The following CCNY variants were observed in gnomAD, a reference collection of about 807,000 sequenced individuals.
CCNY encodes cyclin Y.
A neutral mutation model predicts 42.8 loss-of-function variants in CCNY; 19 were observed. That is an observed-to-expected ratio of 0.44 (90% CI 0.31 to 0.65). CCNY has a LOEUF of 0.65. CCNY is among the 30% of genes least tolerant of loss of function. The probability of loss-of-function intolerance (pLI) is 0.07; values close to 1 mark genes in which losing one functional copy is unlikely to be tolerated. For missense variants in CCNY, 370 were observed against 437.3 expected (o/e 0.85, Z 1.37); for synonymous variants, 165 against 162.7 (o/e 1.01, Z -0.11).
At chr10:35,473,741 T>C (rs1785930143) in intron 1 of CCNY, among the ~76,000 whole-genome samples, 1 of 152,236 alleles carries the variant, frequency 6.6e-6, no homozygotes, top group Admixed American at 6.5e-5. Context: ...TTATTACTTT[T>C]AATTTTTGTC....
chr10:35,553,034 CTT>C lies in CCNY; in HGVS notation c.598_599del (p.Leu200AsnfsTer29). ...GTCTTCCCAGGTGTACCTTGAAAGA[CTT>C]TTAACATACGCAGAGATAGATATCT... ...AIVTLVYLERLLTYAEIDICP... is the reference protein window; with the variant it reads ...AIVTLVYLERXLTYAEIDICP... On this transcript the variant is annotated frameshift_variant, in exon 8 of 10. Coordinates refer to ENST00000374704, the MANE Select transcript of CCNY (RefSeq NM_145012.6). LOFTEE classifies it high-confidence loss of function. 6.2e-7 allele frequency: 1 copy of C among 1,614,070 alleles called. No individual in the cohort carries two copies. Among genetic ancestry groups the C allele is most frequent in the Non-Finnish European group, 8.5e-7 (1 of 1,179,930 alleles).
rs771269744 is a variant in CCNY at position 35,337,166 on chromosome 10, G to T, written c.113G>T (p.Gly38Val). The stretch of plus-strand genomic sequence containing the variant: ...ACGGACCTGAGCCGCGAGGACACGG[G>T]CTGCAACCTGCAGCACATCAGCGAC... ...PDTDLSREDT[G>V]CNLQHISDRE... is the part of the protein sequence containing the mutation. The change falls in exon 1 of 10, where the codon GGC (glycine) becomes GTC (valine). Residue 38 changes from glycine (G) to valine (V), a missense_variant. This residue lies in a region of CCNY where 136 missense variants were observed against 124.2 expected (regional missense o/e 1.09). Transcript: ENST00000374704. 1 of 1,574,868 alleles carries T rather than the reference G, an allele frequency of 6.3e-7. No individual in the cohort carries two copies. The highest frequency in any genetic ancestry group is 1.8e-5 in the Admixed American group (1 of 55,016).
At chr10:35,544,753 T>G (rs1841077192) in intron 7 of CCNY, among the ~76,000 whole-genome samples, 1 of 152,198 alleles carries the variant, frequency 6.6e-6, no homozygotes, top group South Asian at 2.1e-4. Context: ...TTACCTGTCC[T>G]GGGAATGCTA....
chr10:35,337,792 C>T (rs1836082000), intron 1 of CCNY, among the ~76,000 whole-genome samples: 1 of 151,994 alleles, frequency 6.6e-6, no homozygotes, highest in South Asian at 2.1e-4. Context: ...ATAGCTTCTC[C>T]CGAGAATGCT....
At chr10:35,387,166 C>T (rs548628340) in intron 1 of CCNY, among the ~76,000 whole-genome samples, 1 of 152,278 alleles carries the variant, frequency 6.6e-6, no homozygotes, top group Admixed American at 6.5e-5. Flanking sequence ...GAAAAAATCT[C>T]CCATTCCTCT....
At chr10:35,278,979 T>C (rs1835269250) in intron 3 of CCNY, among the ~76,000 whole-genome samples, 1 of 152,000 alleles carries the variant, frequency 6.6e-6, no homozygotes, top group Non-Finnish European at 1.5e-5. Flanking sequence ...ATGCCGCCCA[T>C]AGAAAAACAA....
chr10:35,479,830 C>T (rs551272713), intron 1 of CCNY, among the ~76,000 whole-genome samples: 3 of 152,122 alleles, frequency 2.0e-5, no homozygotes, highest in Admixed American at 2.0e-4. Context: ...TGTATTCTAC[C>T]TCATGGTAAA....
chr10:35,287,932 G>A (rs947053169), intron 3 of CCNY, among the ~76,000 whole-genome samples: 3 of 152,096 alleles, frequency 2.0e-5, no homozygotes, highest in African/African-American at 7.2e-5. Flanking sequence ...GAAAAAAAAA[G>A]TCTTTATATG....
intron 3 of CCNY, among the ~76,000 whole-genome samples, chr10:35,328,111 A>C (rs1034504888): frequency 6.6e-6 from 1 of 152,218 alleles, no homozygotes; most frequent in Non-Finnish European, 1.5e-5. Flanking sequence ...TGAGATTTTA[A>C]GGCATCAGTC....
chr10:35,304,198 G>T (rs550491513), intron 3 of CCNY, among the ~76,000 whole-genome samples: 1 of 152,316 alleles, frequency 6.6e-6, no homozygotes, highest in East Asian at 1.9e-4. Flanking sequence ...GTTAGAAATG[G>T]ATTGGGAAAG....
intron 1 of CCNY, among the ~76,000 whole-genome samples, chr10:35,474,510 C>G (rs1175756872): frequency 6.6e-6 from 1 of 152,182 alleles, no homozygotes; most frequent in Non-Finnish European, 1.5e-5. Flanking sequence ...AGCAGCCTAA[C>G]TGGGAGGCAC....
At chr10:35,304,210 T>C (rs1589025936) in intron 3 of CCNY, among the ~76,000 whole-genome samples, 1 of 152,168 alleles carries the variant, frequency 6.6e-6, no homozygotes, top group East Asian at 1.9e-4. Context: ...TTGGGAAAGG[T>C]GTTGAAAGTA....
At chr10:35,545,015 A>G (rs1389664865) in intron 7 of CCNY, among the ~76,000 whole-genome samples, 3 of 152,204 alleles carry the variant, frequency 2.0e-5, no homozygotes, top group Admixed American at 2.0e-4. Flanking sequence ...GCATGTGTTC[A>G]TGTGTGTGCA....
At chr10:35,360,132 T>C (rs909533051) in intron 1 of CCNY, among the ~76,000 whole-genome samples, 2 of 152,206 alleles carry the variant, frequency 1.3e-5, no homozygotes, top group Non-Finnish European at 2.9e-5. Context: ...TACTCAGAAG[T>C]GGAATTGCTG....
chr10:35,498,570 G>A (rs867417928), intron 2 of CCNY, among the ~76,000 whole-genome samples: 29 of 152,148 alleles, frequency 1.9e-4, no homozygotes, highest in African/African-American at 6.5e-4. Context: ...CCAGGAGAAG[G>A]AGTTAGCCCA....
intron 1 of CCNY, among the ~76,000 whole-genome samples, chr10:35,382,106 C>A (rs1056124036): frequency 6.6e-6 from 1 of 152,002 alleles, no homozygotes; most frequent in Non-Finnish European, 1.5e-5. Context: ...TTAGATATGC[C>A]GTTGTAGGCG....
rs566087315 is a variant in CCNY, at chr10:35,487,150, T to C, written c.229+3672T>C. On this transcript the variant is annotated intron_variant, in intron 2 of 9. Coordinates refer to ENST00000374704, the MANE Select transcript of CCNY (RefSeq NM_145012.6). Reference sequence around the variant, plus strand: ...TGATTGTGATAATTCGTCACTTGGATAAACTTATATTTCCATTACAAGACC... The same window carrying C: ...TGATTGTGATAATTCGTCACTTGGACAAACTTATATTTCCATTACAAGACC... 4.6e-5 allele frequency among the ~76,000 whole-genome samples: 7 copies of C among 152,378 alleles called. No individual in the cohort carries two copies. The South Asian group carries it at 1.2e-3, about 27-fold the overall frequency.
chr10:35,517,685 C>CA (rs1840458091), intron 4 of CCNY, among the ~76,000 whole-genome samples: 1 of 152,188 alleles, frequency 6.6e-6, no homozygotes, highest in Non-Finnish European at 1.5e-5. Flanking sequence ...TCCGTGCTTC[C>CA]AGGATCTAAG....
At chr10:35,323,368 C>A (rs1161317304) in intron 3 of CCNY, among the ~76,000 whole-genome samples, 1 of 152,150 alleles carries the variant, frequency 6.6e-6, no homozygotes, top group Non-Finnish European at 1.5e-5. Context: ...ATAGACAAAA[C>A]TGGACAAAGC....
Sources: allele counts gnomAD v4.1 joint callset (sites outside exome capture counted in the v4.1 genomes callset), GRCh38; gene constraint gnomAD v4.1.1; regional missense constraint gnomAD v4.1.1; transcripts MANE v1.5; gene names NCBI Gene and HGNC (gene_info 2026-07-23, HGNC 2026-07-21).